The following PTBP2 variants were observed in gnomAD, a reference collection of about 807,000 sequenced individuals.
The protein encoded by PTBP2 is polypyrimidine tract binding protein 2, also known as polypyrimidine tract-binding protein 2.
Under a neutral mutation model 61.4 loss-of-function variants are expected in PTBP2, and 13 were observed. The observed-to-expected ratio is 0.21, with a 90% confidence interval of 0.14 to 0.34. The LOEUF (loss-of-function observed/expected upper bound fraction) is 0.34, where lower values mean the gene tolerates loss of function less well. Ranked by LOEUF, PTBP2 falls within the 10% of genes least tolerant of loss-of-function variation. The probability of loss-of-function intolerance (pLI) is 1.00; values close to 1 mark genes in which losing one functional copy is unlikely to be tolerated. For missense variants in PTBP2, 405 were observed against 642.6 expected (o/e 0.63, Z 4.00); for synonymous variants, 215 against 218.5 (o/e 0.98, Z 0.14).
At chr1:96,795,900 A>G (rs1357827609) in intron 8 of PTBP2, among the ~76,000 whole-genome samples, 5 of 152,118 alleles carry the variant, frequency 3.3e-5, no homozygotes, top group Non-Finnish European at 1.5e-5. Context: ...AATGATAATA[A>G]TCCCTTTCAT....
rs1232683663 is a variant in PTBP2 at position 96,739,618 on chromosome 1, G to GGTTTTTTTTTTTT, written c.40-11807_40-11806insGTTTTTTTTTTTT. ...GCTACAAAATCTGAAACTGGTGTGT[G>GGTTTTTTTTTTTT]TTTTTTTTTTTTTTTTTTTTTTTTT... On this transcript the variant is annotated intron_variant, in intron 2 of 13. Coordinates refer to ENST00000674951, the MANE Select transcript of PTBP2 (RefSeq NM_021190.4). Among the ~76,000 whole-genome samples, 4 of 83,802 alleles carry GGTTTTTTTTTTTT rather than the reference G, an allele frequency of 4.8e-5. 1 individual carries two copies. The highest frequency in any genetic ancestry group is 4.4e-5 in the Non-Finnish European group (2 of 45,264). The allele number at this position is 83,802 out of a possible 152,430, so 55.0% of individuals were successfully genotyped here.
intron 7 of PTBP2, among the ~76,000 whole-genome samples, chr1:96,778,370 ATATT>A (rs1296257764): frequency 1.5e-5 from 2 of 137,670 alleles, no homozygotes; most frequent in Middle Eastern, 7.5e-3. Flanking sequence ...TTAAAACTAT[ATATT>A]CTCTTTAATG....
At chr1:96,770,452 G>C (rs372913791) in intron 4 of PTBP2, among the ~76,000 whole-genome samples, 4 of 152,030 alleles carry the variant, frequency 2.6e-5, no homozygotes, top group African/African-American at 7.2e-5. Context: ...AGCATTTGTT[G>C]CAAGAATAGA....
chr1:96,755,943 T>G lies in PTBP2; in HGVS notation c.115+4443T>G, dbSNP rs372737669. Among the ~76,000 whole-genome samples, 13 of 152,326 alleles carry G rather than the reference T, an allele frequency of 8.5e-5. 1 individual carries two copies. The highest frequency in any genetic ancestry group is 3.1e-4 in the African/African-American group (13 of 41,580). On this transcript the variant is annotated intron_variant, in intron 3 of 13. Transcript: ENST00000674951. ...TATGCATATGTCAAAACTTGTCAAA[T>G]TTTATAATTTAAATACATATACACA... is the stretch of plus-strand genomic sequence containing the variant.
intron 5 of PTBP2, among the ~76,000 whole-genome samples, chr1:96,775,830 CTGA>C (rs1335998810): frequency 6.6e-6 from 1 of 151,660 alleles, no homozygotes; most frequent in Non-Finnish European, 1.5e-5. Flanking sequence ...TAATTTGTTA[CTGA>C]TGTGAGAGAA....
chr1:96,790,029 G>A (rs182298231), intron 8 of PTBP2, among the ~76,000 whole-genome samples: 188 of 152,164 alleles, frequency 1.2e-3, no homozygotes, highest in African/African-American at 4.2e-3. Context: ...ATGGAGGGCC[G>A]CACATAGTAT....
At chr1:96,778,696 A>AGCTTACAG (rs1226278918) in intron 7 of PTBP2, among the ~76,000 whole-genome samples, 1 of 152,126 alleles carries the variant, frequency 6.6e-6, no homozygotes, top group African/African-American at 2.4e-5. Flanking sequence ...CCATTTAATA[A>AGCTTACAG]GCTTACATTT....
Position 96,806,912 on chromosome 1 carries a change from A to G in PTBP2, c.1125A>G (p.Lys375=), listed in dbSNP as rs145422554. Residue 375 remains lysine, a synonymous_variant, in exon 11 of 14, where the codon AAA becomes AAG. Coordinates refer to ENST00000674951, the MANE Select transcript of PTBP2 (RefSeq NM_021190.4). ...GTGTGAAGATTTTATACAATAAGAAAGACAGCGCTCTAATACAGATGGCTG... is the reference window on the plus strand; with the variant it reads ...GTGTGAAGATTTTATACAATAAGAAGGACAGCGCTCTAATACAGATGGCTG... ...VQRVKILYNK[K]DSALIQMADG... is the part of the protein sequence containing the mutation. The G allele has an allele frequency of 2.5e-6, 4 of 1,612,542 alleles. No individual in the cohort carries two copies. Among genetic ancestry groups the G allele is most frequent in the African/African-American group, 1.3e-5 (1 of 74,806 alleles).
chr1:96,785,145 C>T lies in PTBP2; in HGVS notation c.795C>T (p.Asn265=). ...SKLVNLNVKY[N]NDKSRDYTRP... is the part of the protein sequence containing the mutation. The stretch of plus-strand genomic sequence containing the variant: ...TTGTGAATTTGAATGTAAAATACAA[C>T]AATGATAAAAGTAGGGATTATACTC... Residue 265 remains asparagine (N), a synonymous_variant, in exon 8 of 14, where the codon AAC becomes AAT. Coordinates refer to ENST00000674951, the MANE Select transcript of PTBP2 (RefSeq NM_021190.4). 3 of 1,609,440 alleles carry T rather than the reference C, an allele frequency of 1.9e-6. No individual in the cohort carries two copies. Among genetic ancestry groups the T allele is most frequent in the Non-Finnish European group, 2.5e-6 (3 of 1,177,026 alleles).
At chr1:96,730,313 T>G (rs780848841) in intron 2 of PTBP2, among the ~76,000 whole-genome samples, 1 of 152,226 alleles carries the variant, frequency 6.6e-6, no homozygotes, top group Non-Finnish European at 1.5e-5. Context: ...ATTAACTTAG[T>G]ACTTTTACTT....
At chr1:96,759,736 A>G (rs1026136310) in intron 3 of PTBP2, among the ~76,000 whole-genome samples, 35 of 152,364 alleles carry the variant, frequency 2.3e-4, no homozygotes, top group African/African-American at 5.0e-4. Context: ...TTGAAAAGAC[A>G]AGGCACAGAC....
chr1:96,792,511 C>T (rs1438219007), intron 8 of PTBP2, among the ~76,000 whole-genome samples: 1 of 152,134 alleles, frequency 6.6e-6, no homozygotes, highest in Non-Finnish European at 1.5e-5. Context: ...ACATTTTAGC[C>T]TGTCGTCTTC....
intron 3 of PTBP2, among the ~76,000 whole-genome samples, chr1:96,759,360 A>G (rs1220481547): frequency 6.6e-6 from 1 of 152,230 alleles, no homozygotes; most frequent in East Asian, 1.9e-4. Context: ...ACCTGTAGTT[A>G]ATCCAAAACA....
chr1:96,806,428 C>G lies in PTBP2; in HGVS notation c.1054C>G (p.Pro352Ala). Residue 352 changes from proline (P) to alanine (A), a missense_variant, in exon 10 of 14, where the codon CCC (proline) becomes GCC (alanine). Physicochemically the swap from Pro to Ala is conservative, Grantham distance 27 (BLOSUM62 -1). Around this residue, in one of 4 missense-constraint regions of PTBP2, gnomAD observed 342 missense variants for 491.2 expected, o/e 0.70. Coordinates refer to ENST00000674951, the MANE Select transcript of PTBP2 (RefSeq NM_021190.4). ...TTCTCTCCTTCTAAAGATGGTTACG[C>G]CCCAAAGTCTGTTTACCCTCTTCGG... ...VSNLNEEMVT[P>A]QSLFTLFGVY... The G allele has an allele frequency of 6.2e-7, 1 of 1,600,308 alleles. No individual in the cohort carries two copies. Among genetic ancestry groups the G allele is most frequent in the Non-Finnish European group, 8.6e-7 (1 of 1,167,568 alleles).
intron 3 of PTBP2, among the ~76,000 whole-genome samples, chr1:96,756,539 C>T (rs1434063734): frequency 6.6e-6 from 1 of 152,102 alleles, no homozygotes; most frequent in Non-Finnish European, 1.5e-5. Context: ...TTCATAGCAA[C>T]CAAGAAGTCC....
chr1:96,758,771 G>A (rs536254304), intron 3 of PTBP2, among the ~76,000 whole-genome samples: 1 of 152,214 alleles, frequency 6.6e-6, no homozygotes, highest in East Asian at 1.9e-4. Context: ...AAGCAAGGAT[G>A]TCTGTTTTCT....
At chr1:96,799,230 A>G (rs993909958) in intron 8 of PTBP2, among the ~76,000 whole-genome samples, 1 of 150,912 alleles carries the variant, frequency 6.6e-6, no homozygotes, top group South Asian at 2.1e-4. Context: ...TCTTTAGCAC[A>G]TGATCGTTTA....
At chr1:96,754,639 A>G (rs1325186016) in intron 3 of PTBP2, among the ~76,000 whole-genome samples, 3 of 152,198 alleles carry the variant, frequency 2.0e-5, no homozygotes, top group Non-Finnish European at 4.4e-5. Flanking sequence ...TAAAAATAGC[A>G]TCATAATAAC....
Position 96,770,821 on chromosome 1 carries a change from A to G in PTBP2, c.402A>G (p.Lys134=). ...TATATATCCAGTACTCGAATCACAAAGAACTAAAGACAGATAATACATTAA... is the reference window on the plus strand; with the variant it reads ...TATATATCCAGTACTCGAATCACAAGGAACTAAAGACAGATAATACATTAA... ...QPIYIQYSNH[K]ELKTDNTLNQ... is the part of the protein sequence containing the mutation. Residue 134 remains lysine (K), a synonymous_variant, in exon 5 of 14, where the codon AAA becomes AAG. Transcript: ENST00000674951. 1 of 1,583,984 alleles carries G rather than the reference A, an allele frequency of 6.3e-7. No homozygotes were observed. The highest frequency in any genetic ancestry group is 1.7e-4 in the Middle Eastern group (1 of 5,980).
Sources: gnomAD v4.1 joint callset for allele counts (sites outside exome capture counted in the v4.1 genomes callset) on GRCh38, gnomAD v4.1.1 for gene constraint, gnomAD v4.1.1 regional missense constraint, MANE v1.5 for transcripts, NCBI Gene and HGNC (gene_info 2026-07-23, HGNC 2026-07-21) for gene names.